SYNE2: variants seen among roughly 807,000 people sequenced by gnomAD.
SYNE2 encodes nesprin-2.
Under a neutral mutation model 856.3 loss-of-function variants are expected in SYNE2, and 431 were observed. That is an observed-to-expected ratio of 0.50 (90% CI 0.47 to 0.55). The LOEUF is 0.55. Among genes scored for constraint, SYNE2 ranks in the 20% least tolerant of loss-of-function variants. The pLI, the probability that SYNE2 is intolerant of heterozygous loss-of-function variation, is 0.00. For synonymous variants in SYNE2, 2,923 were observed against 2,872.3 expected (o/e 1.02, Z -0.56); for missense variants, 8,129 against 8,023.2 (o/e 1.01, Z -0.50).
At chr14:64,012,859 A>G (rs535947314) in intron 32 of SYNE2, among the ~76,000 whole-genome samples, 1 of 152,378 alleles carries the variant, frequency 6.6e-6, no homozygotes, top group African/African-American at 2.4e-5. Context: ...TATCTTCACA[A>G]ACAGTCCATT....
At chr14:64,021,797 G>A in intron 36 of SYNE2, 60 bp from the exon 37 acceptor site, 1 of 1,561,560 alleles carries the variant, frequency 6.4e-7, no homozygotes, top group Non-Finnish European at 8.8e-7. Flanking sequence ...GATCTAATAT[G>A]CTTTGTGTAA....
At position 63,998,253 on chromosome 14, in the gene SYNE2, C is replaced by T; in HGVS notation, c.3278C>T (p.Ser1093Leu). The T allele has an allele frequency of 6.2e-7, 1 of 1,613,972 alleles. No individual in the cohort carries two copies. Among genetic ancestry groups the T allele is most frequent in the Non-Finnish European group, 8.5e-7 (1 of 1,179,896 alleles). The stretch of plus-strand genomic sequence containing the variant: ...CCCACTATGAAGTTTAGCCTGGCAT[C>T]AGTGTTAAGGCCTCTGCAAGAAGAA... ...MEPTMKFSLA[S>L]VLRPLQEESI... is the part of the protein sequence containing the mutation. Residue 1093 changes from serine to leucine, a missense_variant, in exon 26 of 116, where the codon TCA becomes TTA. Around this residue, in one of 3 missense-constraint regions of SYNE2, gnomAD observed 2,422 missense variants for 2,357.4 expected, o/e 1.03. Transcript: ENST00000555002.
chr14:63,913,211 A>G (rs1459525453), intron 2 of SYNE2, among the ~76,000 whole-genome samples: 2 of 152,176 alleles, frequency 1.3e-5, no homozygotes, highest in Non-Finnish European at 2.9e-5. Flanking sequence ...CTGGGATTAC[A>G]GGCGTAAGCC....
chr14:63,854,885 CTGAA>C (rs575412788), intron 1 of SYNE2, among the ~76,000 whole-genome samples: 105 of 152,310 alleles, frequency 6.9e-4, no homozygotes, highest in Middle Eastern at 6.8e-3. Context: ...AATTTAAAAA[CTGAA>C]TGAATCACAT....
chr14:64,183,103 C>T (rs1444134388), intron 96 of SYNE2, among the ~76,000 whole-genome samples: 1 of 148,112 alleles, frequency 6.8e-6, no homozygotes, highest in Non-Finnish European at 1.5e-5. Flanking sequence ...GGCGGAGGGG[C>T]TCCTCACTTC....
At chr14:63,819,370 T>G (rs1167819920) in intron 1 of SYNE2, among the ~76,000 whole-genome samples, 4 of 152,066 alleles carry the variant, frequency 2.6e-5, no homozygotes, top group Non-Finnish European at 4.4e-5. Context: ...TAACTGGGAT[T>G]ACAGGTGTCC....
In SYNE2 at chr14:63,978,028, C is replaced by CT. The variant is rs765962412; in HGVS notation, c.1406+12dup. 1.3e-6 allele frequency: 2 copies of CT among 1,533,874 alleles called. No individual in the cohort carries two copies. The highest frequency in any genetic ancestry group is 1.8e-6 in the Non-Finnish European group (2 of 1,106,870). On this transcript the variant is annotated intron_variant, in intron 13 of 115. Coordinates refer to ENST00000555002, the MANE Select transcript of SYNE2 (RefSeq NM_182914.3). ...GGAAATGAAAAGACGGTGTGTAACA[C>CT]TACCATTTCACAGCTGCTGTCACTA...
rs1278609537 is a variant in SYNE2 at position 64,093,331 on chromosome 14, G to A, written c.11977-18G>A. On this transcript the variant is annotated intron_variant, in intron 60 of 115. Transcript: ENST00000555002. ...TAGATTATGACAAAGATTCTTTTTTGTGGGGGTTATTTTATAGGTAGTCAT... is the reference window on the plus strand; with the variant it reads ...TAGATTATGACAAAGATTCTTTTTTATGGGGGTTATTTTATAGGTAGTCAT... 8.1e-6 allele frequency: 13 copies of A among 1,613,156 alleles called. No individual in the cohort carries two copies. Among genetic ancestry groups the A allele is most frequent in the Non-Finnish European group, 1.0e-5 (12 of 1,179,442 alleles).
At chr14:64,009,504 C>T (rs2096826645) in intron 31 of SYNE2, among the ~76,000 whole-genome samples, 1 of 129,252 alleles carries the variant, frequency 7.7e-6, no homozygotes, top group Non-Finnish European at 1.5e-5. Context: ...CCACTGCACT[C>T]TAGCTTGGGT....
chr14:64,005,671 A>T (rs12879568), intron 30 of SYNE2, among the ~76,000 whole-genome samples: 1,873 of 152,370 alleles, frequency 0.012, 32 homozygotes, highest in Admixed American at 0.059. Context: ...CAAGATACTT[A>T]TTAGACATTC....
chr14:63,985,194 G>A (rs1448921134), intron 18 of SYNE2, among the ~76,000 whole-genome samples: 1 of 151,968 alleles, frequency 6.6e-6, no homozygotes, highest in Non-Finnish European at 1.5e-5. Flanking sequence ...GCTGGGAGTG[G>A]TGGCGGGTGC....
chr14:63,952,855 C>A (rs1171254920), intron 7 of SYNE2, among the ~76,000 whole-genome samples: 1 of 152,116 alleles, frequency 6.6e-6, no homozygotes, highest in African/African-American at 2.4e-5. Flanking sequence ...TCATTTGATT[C>A]AGACCTTAAA....
intron 11 of SYNE2, among the ~76,000 whole-genome samples, chr14:63,971,586 T>A (rs1465406431): frequency 6.6e-6 from 1 of 152,098 alleles, no homozygotes; most frequent in Non-Finnish European, 1.5e-5. Context: ...ATCATTTTTT[T>A]TTTTTTTGCT....
At chr14:63,831,790 C>A (rs1013194623) in intron 1 of SYNE2, among the ~76,000 whole-genome samples, 3 of 151,878 alleles carry the variant, frequency 2.0e-5, no homozygotes, top group Non-Finnish European at 4.4e-5. Context: ...ATGATCCGCC[C>A]ACCTCAGCCT....
intron 84 of SYNE2, among the ~76,000 whole-genome samples, chr14:64,148,813 C>T (rs180972644): frequency 3.3e-5 from 5 of 152,208 alleles, no homozygotes; most frequent in East Asian, 3.9e-4. Flanking sequence ...CATCTGTCCA[C>T]GGGTCTGTCG....
chr14:63,891,281 T>C (rs912585818), intron 1 of SYNE2, among the ~76,000 whole-genome samples: 1 of 152,160 alleles, frequency 6.6e-6, no homozygotes, highest in African/African-American at 2.4e-5. Context: ...CAAAGAAATG[T>C]GGCACGAGGA....
At chr14:64,012,458 C>T (rs1369685462) in intron 32 of SYNE2, among the ~76,000 whole-genome samples, 2 of 152,180 alleles carry the variant, frequency 1.3e-5, no homozygotes, top group South Asian at 2.1e-4. Flanking sequence ...TGTTATTTAA[C>T]TGTTTCAATC....
chr14:64,130,936 A>C (rs1408553464), intron 76 of SYNE2, among the ~76,000 whole-genome samples: 1 of 152,134 alleles, frequency 6.6e-6, no homozygotes, highest in Non-Finnish European at 1.5e-5. Flanking sequence ...AATCAAAAGG[A>C]AAGTGTGTTA....
chr14:63,878,938 AC>A, intron 1 of SYNE2, among the ~76,000 whole-genome samples: 1 of 152,326 alleles, frequency 6.6e-6, no homozygotes. Flanking sequence ...TACAGTTTGG[AC>A]AGGTGTGGTG....
Sources: allele counts gnomAD v4.1 joint callset (sites outside exome capture counted in the v4.1 genomes callset), GRCh38; gene constraint gnomAD v4.1.1; regional missense constraint gnomAD v4.1.1; transcripts MANE v1.5; gene names NCBI Gene and HGNC (gene_info 2026-07-23, HGNC 2026-07-21).